The following PIBF1 variants were observed in gnomAD, a reference collection of about 807,000 sequenced individuals.
The protein encoded by PIBF1 is progesterone-induced-blocking factor 1.
A neutral mutation model predicts 112.5 loss-of-function variants in PIBF1; 90 were observed. The observed-to-expected ratio is 0.80, with a 90% CI of 0.67 to 0.95. PIBF1 has a LOEUF of 0.95. Among genes scored for constraint, PIBF1 ranks in the 40% least tolerant of loss-of-function variants. The probability of loss-of-function intolerance (pLI) is 0.00; values close to 1 mark genes in which losing one functional copy is unlikely to be tolerated. For missense variants in PIBF1, 915 were observed against 852.3 expected, an observed-to-expected ratio of 1.07 and a Z score of -0.92; for synonymous variants, 301 against 288.6, an observed-to-expected ratio of 1.04 and a Z score of -0.44.
At chr13:72,960,769 G>T (rs541681234) in intron 14 of PIBF1, among the ~76,000 whole-genome samples, 8 of 152,176 alleles carry the variant, frequency 5.3e-5, no homozygotes, top group South Asian at 2.1e-4. Flanking sequence ...AGACAAACTG[G>T]TTATACAGGT....
At chr13:72,823,174 C>T (rs962931215) in intron 6 of PIBF1, among the ~76,000 whole-genome samples, 1 of 152,136 alleles carries the variant, frequency 6.6e-6, no homozygotes, top group Non-Finnish European at 1.5e-5. Flanking sequence ...TTCATGTCCC[C>T]TCTGCCACTA....
chr13:72,998,462 G>T (rs2139026405), intron 16 of PIBF1, among the ~76,000 whole-genome samples: 1 of 150,744 alleles, frequency 6.6e-6, no homozygotes, highest in East Asian at 1.9e-4. Flanking sequence ...GTGACAGTGA[G>T]ATCCTATCTA....
intron 11 of PIBF1, among the ~76,000 whole-genome samples, chr13:72,907,471 T>C (rs1297451114): frequency 6.6e-6 from 1 of 152,132 alleles, no homozygotes; most frequent in Non-Finnish European, 1.5e-5. Flanking sequence ...AATTGTCATA[T>C]AGTTATATTT....
chr13:72,804,160 T>G lies in PIBF1; in HGVS notation c.672+6134T>G, dbSNP rs1454998749. 2.0e-5 allele frequency among the ~76,000 whole-genome samples: 3 copies of G among 152,112 alleles called. No homozygotes were observed. In the East Asian group the frequency reaches 5.8e-4, roughly 29 times the overall value. On this transcript the variant is annotated intron_variant, in intron 5 of 17. Coordinates refer to ENST00000326291, the MANE Select transcript of PIBF1 (RefSeq NM_006346.4). Reference sequence around the variant, plus strand: ...CCAATGGTGTCATTAATTTTAAGTTTCTTGACCCAAAAGAGTAAATTTTCC... The same window carrying G: ...CCAATGGTGTCATTAATTTTAAGTTGCTTGACCCAAAAGAGTAAATTTTCC...
intron 2 of PIBF1, among the ~76,000 whole-genome samples, chr13:72,788,364 G>A (rs2034712723): frequency 6.6e-6 from 1 of 152,194 alleles, no homozygotes; most frequent in African/African-American, 2.4e-5. Flanking sequence ...TCTGGTAACA[G>A]AGACCTGGAA....
At chr13:72,877,913 T>C (rs986374985) in intron 10 of PIBF1, among the ~76,000 whole-genome samples, 17 of 151,542 alleles carry the variant, frequency 1.1e-4, no homozygotes, top group Non-Finnish European at 2.1e-4. Context: ...CCACGCCTGG[T>C]TAATTTTGTA....
At chr13:72,893,620 A>G (rs1178010592) in intron 10 of PIBF1, among the ~76,000 whole-genome samples, 164 bp from the exon 11 acceptor site, 1 of 152,148 alleles carries the variant, frequency 6.6e-6, no homozygotes, top group Non-Finnish European at 1.5e-5. Context: ...ACTTATTTTC[A>G]TACATATACC....
In PIBF1 at chr13:72,854,142, C is replaced by G. The variant is rs751572027; in HGVS notation, c.1309C>G (p.Gln437Glu). 3.7e-6 allele frequency: 6 copies of G among 1,602,786 alleles called. No homozygotes were observed. The highest frequency in any genetic ancestry group is 5.1e-6 in the Non-Finnish European group (6 of 1,169,764). ...AAAGGATGCTTTAGAAAAACACGAT[C>G]AGCTCTTAGACAGGTAAGCATCATA... ...AEKDALEKHD[Q>E]LLDRYRELQL... The change falls in exon 10 of 18, where the codon CAG becomes GAG. Residue 437 changes from glutamine to glutamate, a missense_variant. Coordinates refer to ENST00000326291, the MANE Select transcript of PIBF1 (RefSeq NM_006346.4).
intron 2 of PIBF1, among the ~76,000 whole-genome samples, chr13:72,785,155 A>G (rs1185685590): frequency 6.6e-6 from 1 of 152,196 alleles, no homozygotes; most frequent in African/African-American, 2.4e-5. Flanking sequence ...ATTAGGTTTC[A>G]ATATACAAAT....
Position 72,797,925 on chromosome 13 carries a change from G to C in PIBF1, c.571G>C (p.Val191Leu). 9 of 1,601,924 alleles carry C rather than the reference G, an allele frequency of 5.6e-6. No homozygotes were observed. The highest frequency in any genetic ancestry group is 2.3e-5 in the East Asian group (1 of 44,318). Residue 191 changes from valine to leucine, a missense_variant, in exon 5 of 18, where the codon GTG (valine) becomes CTG (leucine). Physicochemically the swap from Val to Leu is conservative, Grantham distance 32. Coordinates refer to ENST00000326291, the MANE Select transcript of PIBF1 (RefSeq NM_006346.4). ...TTTCAAGGTTCGCTTCTATGAGCTA[G>C]TGAATCCATTAAGAAAGGAAATCTG... ...EYVSVRFYEL[V>L]NPLRKEICEL...
intron 14 of PIBF1, among the ~76,000 whole-genome samples, chr13:72,958,493 G>A (rs2042514722): frequency 6.6e-6 from 1 of 152,040 alleles, no homozygotes; most frequent in African/African-American, 2.4e-5. Context: ...AAGACCAAAA[G>A]CGGAGCTGAT....
At chr13:72,970,356 C>G (rs1375089025) in intron 15 of PIBF1, among the ~76,000 whole-genome samples, 1 of 152,116 alleles carries the variant, frequency 6.6e-6, no homozygotes, top group African/African-American at 2.4e-5. Context: ...ACAGTTTGAT[C>G]TCTACTTCAG....
rs145353985 is a variant in PIBF1, at chr13:72,800,648, C to T, written c.672+2622C>T. ...ATGTGTATCCTGCATTTACTATATA[C>T]GGCATGCATTATTCTTGGTACTTGG... On this transcript the variant is annotated intron_variant, in intron 5 of 17. Transcript: ENST00000326291. Among the ~76,000 whole-genome samples the T allele has an allele frequency of 7.8e-3, 1,184 of 152,242 alleles. 14 individuals are homozygous for T. The highest frequency in any genetic ancestry group is 0.027 in the African/African-American group (1,112 of 41,528).
At chr13:72,825,182 A>G (rs567365449) in intron 6 of PIBF1, among the ~76,000 whole-genome samples, 18 of 151,852 alleles carry the variant, frequency 1.2e-4, no homozygotes, top group African/African-American at 3.4e-4. Context: ...TGGCTCAGGG[A>G]AAAAAAAATT....
At chr13:73,012,040 A>T (rs2044219027) in intron 17 of PIBF1, among the ~76,000 whole-genome samples, 1 of 152,140 alleles carries the variant, frequency 6.6e-6, no homozygotes, top group Admixed American at 6.6e-5. Context: ...CTAGAGATCA[A>T]AACTGCTTAT....
intron 13 of PIBF1, among the ~76,000 whole-genome samples, chr13:72,926,956 G>A (rs550901329): frequency 1.3e-5 from 2 of 152,188 alleles, no homozygotes; most frequent in African/African-American, 4.8e-5. Flanking sequence ...TTCTTCAAAG[G>A]AAGTGTTCAT....
At chr13:72,913,571 A>G (rs1364911827) in intron 12 of PIBF1, among the ~76,000 whole-genome samples, 1 of 152,158 alleles carries the variant, frequency 6.6e-6, no homozygotes, top group Non-Finnish European at 1.5e-5. Flanking sequence ...TGAGCCCAGA[A>G]GTTCAAGGCC....
chr13:72,812,869 G>A (rs919567608), intron 5 of PIBF1, among the ~76,000 whole-genome samples: 5 of 152,010 alleles, frequency 3.3e-5, no homozygotes, highest in Admixed American at 3.3e-4. Flanking sequence ...TTGAGCCCGG[G>A]GTAGGGGTAG....
chr13:72,879,240 A>G (rs1006425203), intron 10 of PIBF1, among the ~76,000 whole-genome samples: 7 of 152,128 alleles, frequency 4.6e-5, no homozygotes, highest in Non-Finnish European at 7.4e-5. Flanking sequence ...TAGGAATTAT[A>G]TATTTTCTGG....
Sources: gnomAD v4.1 joint callset for allele counts (sites outside exome capture counted in the v4.1 genomes callset) on GRCh38, gnomAD v4.1.1 for gene constraint, MANE v1.5 for transcripts, NCBI Gene and HGNC (gene_info 2026-07-23, HGNC 2026-07-21) for gene names.